TGFA: variants seen among roughly 807,000 people sequenced by gnomAD.
TGFA encodes transforming growth factor alpha.
In TGFA, 12 loss-of-function variants were observed where a neutral mutation model predicts 21.7. That is an observed-to-expected ratio of 0.55 (90% CI 0.35 to 0.90). The LOEUF (loss-of-function observed/expected upper bound fraction) is 0.90. Among genes scored for constraint, TGFA ranks in the 40% least tolerant of loss-of-function variants. The pLI is 0.01. For missense variants in TGFA, 178 were observed against 210.8 expected (o/e 0.84, Z 0.96); for synonymous variants, 79 against 88.1 (o/e 0.90, Z 0.58).
chr2:70,454,737 T>C (rs906214430), intron 4 of TGFA, among the ~76,000 whole-genome samples: 8 of 152,180 alleles, frequency 5.3e-5, no homozygotes, highest in Non-Finnish European at 8.8e-5. Flanking sequence ...TCATGGATTC[T>C]GAACTTGGTC....
chr2:70,466,305 G>A (rs782584016), intron 2 of TGFA, among the ~76,000 whole-genome samples: 4 of 152,168 alleles, frequency 2.6e-5, no homozygotes, highest in Non-Finnish European at 5.9e-5. Context: ...TCAGGAGATC[G>A]AGACCATCCT....
rs59567780 is a variant in TGFA, at chr2:70,521,613, G to GTTTTTTTTTTT, written c.41-6702_41-6701insAAAAAAAAAAA. On this transcript the variant is annotated intron_variant, in intron 1 of 5. Coordinates refer to ENST00000295400, the MANE Select transcript of TGFA (RefSeq NM_003236.4). Reference sequence around the variant, plus strand: ...TTGATAGTTTTTTTTGTTGTTGTTTGTTTGTTTTTTTTTTTTTTTTTTTTT... The same window carrying GTTTTTTTTTTT: ...TTGATAGTTTTTTTTGTTGTTGTTTGTTTTTTTTTTTTTTGTTTTTTTTTTTTTTTTTTTTT... Among the ~76,000 whole-genome samples, 215 of 73,992 alleles carry GTTTTTTTTTTT rather than the reference G, an allele frequency of 2.9e-3. 7 individuals are homozygous for GTTTTTTTTTTT. Among genetic ancestry groups the GTTTTTTTTTTT allele is most frequent in the South Asian group, 5.6e-3 (10 of 1,786 alleles). The allele number at this position is 73,992 out of a possible 152,430, so 48.5% of individuals were successfully genotyped here.
At chr2:70,462,851 AGT>A in intron 3 of TGFA, among the ~76,000 whole-genome samples, 1 of 152,116 alleles carries the variant, frequency 6.6e-6, no homozygotes, top group East Asian at 1.9e-4. Flanking sequence ...TCCAAATGCG[AGT>A]GTGTCTCAGC....
chr2:70,492,858 G>A (rs1671474366), intron 2 of TGFA, among the ~76,000 whole-genome samples: 2 of 152,078 alleles, frequency 1.3e-5, no homozygotes, highest in African/African-American at 4.8e-5. Context: ...TGCCTTTCAT[G>A]TTATTCCCTG....
intron 2 of TGFA, among the ~76,000 whole-genome samples, chr2:70,512,499 A>G (rs1418398213): frequency 1.3e-5 from 2 of 152,224 alleles, no homozygotes; most frequent in African/African-American, 2.4e-5. Flanking sequence ...GGTAATATGC[A>G]ACGCAGCAGG....
chr2:70,533,050 T>C (rs540751110), intron 1 of TGFA, among the ~76,000 whole-genome samples: 1 of 151,414 alleles, frequency 6.6e-6, no homozygotes, highest in East Asian at 1.9e-4. Flanking sequence ...TTTTTTTTCA[T>C]AGAGACAGGG....
intron 2 of TGFA, among the ~76,000 whole-genome samples, chr2:70,485,968 C>T (rs1289660024): frequency 6.6e-6 from 1 of 152,130 alleles, no homozygotes; most frequent in Non-Finnish European, 1.5e-5. Flanking sequence ...CTCCTGGAAC[C>T]GAGGACTCTT....
At position 70,460,382 on chromosome 2, in the gene TGFA, T is replaced by TAAA. The variant is rs67107612; in HGVS notation, c.216-3897_216-3895dup. Among the ~76,000 whole-genome samples, 145 of 150,826 alleles carry TAAA rather than the reference T, an allele frequency of 9.6e-4. No homozygotes were observed. The Middle Eastern group carries it at 0.017, about 18-fold the overall frequency. On this transcript the variant is annotated intron_variant, in intron 3 of 5. Transcript: ENST00000295400. The stretch of plus-strand genomic sequence containing the variant: ...AAAAGGTTTGGTGACATACTTTTTT[T>TAAA]AAAAAAAAAACTTCCCAAGCTTCTA...
intron 2 of TGFA, among the ~76,000 whole-genome samples, chr2:70,498,553 T>C (rs1016167676): frequency 3.9e-5 from 6 of 152,216 alleles, no homozygotes; most frequent in African/African-American, 1.4e-4. Flanking sequence ...CCCTTTATCA[T>C]CAAGTTAAGT....
chr2:70,526,245 A>G (rs1672631131), intron 1 of TGFA, among the ~76,000 whole-genome samples: 2 of 152,184 alleles, frequency 1.3e-5, no homozygotes. Context: ...CAAAGCATTC[A>G]GGTTACACAA....
chr2:70,553,327 C>T (rs1475188997), intron 1 of TGFA: 30 of 1,501,188 alleles, frequency 2.0e-5, no homozygotes, highest in Non-Finnish European at 2.5e-5. Flanking sequence ...GACGCCGGCC[C>T]CCGTTCCGAG....
At chr2:70,513,283 C>A (rs1672161234) in intron 2 of TGFA, among the ~76,000 whole-genome samples, 2 of 152,080 alleles carry the variant, frequency 1.3e-5, no homozygotes, top group African/African-American at 4.8e-5. Context: ...GAAGGTGAAG[C>A]TTGGGGCAAG....
chr2:70,514,683 A>T (rs1174033666), intron 2 of TGFA, among the ~76,000 whole-genome samples, 176 bp downstream of exon 2: 1 of 152,130 alleles, frequency 6.6e-6, no homozygotes, highest in African/African-American at 2.4e-5. Flanking sequence ...TTGGGCCTGC[A>T]GTTAAGACCT....
chr2:70,528,175 C>T (rs888930338), intron 1 of TGFA, among the ~76,000 whole-genome samples: 2 of 152,244 alleles, frequency 1.3e-5, no homozygotes, highest in African/African-American at 4.8e-5. Flanking sequence ...TCAGTAACAT[C>T]TAATTTTAGT....
chr2:70,473,941 C>T (rs1467075806), intron 2 of TGFA, among the ~76,000 whole-genome samples: 1 of 152,126 alleles, frequency 6.6e-6, no homozygotes, highest in Non-Finnish European at 1.5e-5. Flanking sequence ...ATTTTTGTCT[C>T]TATCATTCCC....
chr2:70,475,283 G>T (rs1024962891), intron 2 of TGFA, among the ~76,000 whole-genome samples: 2 of 152,142 alleles, frequency 1.3e-5, no homozygotes, highest in South Asian at 4.1e-4. Flanking sequence ...TCCACCTACT[G>T]CAAGTGCTAT....
intron 1 of TGFA, among the ~76,000 whole-genome samples, chr2:70,534,306 T>C (rs913525732): frequency 7.2e-5 from 11 of 152,222 alleles, no homozygotes; most frequent in Non-Finnish European, 1.6e-4. Context: ...CTATCTTTAG[T>C]TGGACTGTGA....
Position 70,514,919 on chromosome 2 carries a change from G to C in TGFA, c.41-7C>G. ...CACGCAGCCAACACAATACCTGTTG[G>C]GTGGAGGAGAAGAGGGAAAAGGTCA... On this transcript the variant is annotated splice_region_variant and splice_polypyrimidine_tract_variant and intron_variant, in intron 1 of 5. Transcript: ENST00000295400. The C allele has an allele frequency of 6.2e-7, 1 of 1,613,606 alleles. No homozygotes were observed. Among genetic ancestry groups the C allele is most frequent in the South Asian group, 1.1e-5 (1 of 90,908 alleles).
At chr2:70,521,617 G>GTTTTTTTTTTTTTTTTTTTT (rs35177436) in intron 1 of TGFA, among the ~76,000 whole-genome samples, 19 of 87,086 alleles carry the variant, frequency 2.2e-4, no homozygotes, top group Admixed American at 4.9e-4. Context: ...TTGTTTGTTT[G>GTTTTTTTTTTTTTTTTTTTT]TTTTTTTTTT....
Sources: allele counts gnomAD v4.1 joint callset (sites outside exome capture counted in the v4.1 genomes callset), GRCh38; gene constraint gnomAD v4.1.1; transcripts MANE v1.5; gene names NCBI Gene and HGNC (gene_info 2026-07-23, HGNC 2026-07-21).